The following WWC2 variants were observed in gnomAD, a reference collection of about 807,000 sequenced individuals.
WWC2 encodes WW and C2 domain containing 2.
A neutral mutation model predicts 138.5 loss-of-function variants in WWC2; 101 were observed. The observed-to-expected ratio is 0.73, with a 90% CI of 0.62 to 0.86. The LOEUF (loss-of-function observed/expected upper bound fraction) is 0.86. WWC2 is among the 40% of genes least tolerant of loss of function. The pLI is 0.00. For missense variants in WWC2, 1,420 were observed against 1,419.4 expected (o/e 1.00, Z -0.01); for synonymous variants, 558 against 538.4 (o/e 1.04, Z -0.50).
chr4:183,111,495 T>C (rs192243030), intron 1 of WWC2, among the ~76,000 whole-genome samples: 58 of 152,222 alleles, frequency 3.8e-4, no homozygotes, highest in Non-Finnish European at 4.3e-4. Flanking sequence ...CCAGTCTTTT[T>C]TTTTCTTTGA....
intron 21 of WWC2, among the ~76,000 whole-genome samples, chr4:183,292,550 A>T (rs533619391): frequency 2.0e-5 from 3 of 152,238 alleles, no homozygotes; most frequent in African/African-American, 7.2e-5. Flanking sequence ...GTCTAGGAAA[A>T]TCTACTAGAA....
chr4:183,198,459 C>T (rs376925640), intron 2 of WWC2, among the ~76,000 whole-genome samples: 83 of 152,062 alleles, frequency 5.5e-4, no homozygotes, highest in African/African-American at 1.9e-3. Flanking sequence ...GGTCTTAAAT[C>T]TGACCTCAAG....
chr4:183,114,326 A>G (rs1213560368), intron 1 of WWC2, among the ~76,000 whole-genome samples: 1 of 152,208 alleles, frequency 6.6e-6, no homozygotes, highest in Non-Finnish European at 1.5e-5. Context: ...TGTAGCCTGC[A>G]GAAGTCATAG....
At chr4:183,221,938 G>A (rs1349946403) in intron 4 of WWC2, among the ~76,000 whole-genome samples, 2 of 152,064 alleles carry the variant, frequency 1.3e-5, no homozygotes, top group African/African-American at 4.8e-5. Context: ...CCCATACAAC[G>A]AATTCAGTGT....
At chr4:183,236,675 A>G (rs1233830000) in intron 4 of WWC2, among the ~76,000 whole-genome samples, 1 of 152,170 alleles carries the variant, frequency 6.6e-6, no homozygotes, top group Non-Finnish European at 1.5e-5. Context: ...CTTAGGCCAT[A>G]TTTAGTTTGC....
intron 4 of WWC2, among the ~76,000 whole-genome samples, chr4:183,214,983 G>A (rs765278418): frequency 4.6e-5 from 7 of 152,252 alleles, no homozygotes; most frequent in Non-Finnish European, 8.8e-5. Context: ...TGTAGATAAG[G>A]TTATTCTTAG....
chr4:183,174,928 A>C (rs1262786113), intron 1 of WWC2, among the ~76,000 whole-genome samples: 3 of 152,086 alleles, frequency 2.0e-5, no homozygotes, highest in Non-Finnish European at 4.4e-5. Context: ...TTTGAAGGTA[A>C]GGTACAGATA....
Position 183,309,269 on chromosome 4 carries a change from G to A in WWC2, c.3385-3072G>A, listed in dbSNP as rs140828134. Among the ~76,000 whole-genome samples, 682 of 152,226 alleles carry A rather than the reference G, an allele frequency of 4.5e-3. 4 individuals are homozygous for A. Among genetic ancestry groups the A allele is most frequent in the Non-Finnish European group, 6.7e-3 (453 of 68,002 alleles). ...CTTCGTTATAATTTAAAACTTCTCT[G>A]TGAAAGACACTGTCAAGAAAAAGAG... On this transcript the variant is annotated intron_variant, in intron 21 of 22. Transcript: ENST00000403733.
At position 183,276,122 on chromosome 4, in the gene WWC2, A is replaced by G. The variant is rs560456596; in HGVS notation, c.2563-4654A>G. On this transcript the variant is annotated intron_variant, in intron 16 of 22. Transcript: ENST00000403733. ...TTTAAAATCTACTTTGTCTGGTGTT[A>G]GTAAAGCTACATATCAGCCTTTTTG... 1.4e-4 allele frequency among the ~76,000 whole-genome samples: 21 copies of G among 152,192 alleles called. No individual in the cohort carries two copies. In the South Asian group the frequency reaches 2.3e-3, roughly 16 times the overall value.
At chr4:183,161,169 T>G (rs573985459) in intron 1 of WWC2, among the ~76,000 whole-genome samples, 3 of 152,336 alleles carry the variant, frequency 2.0e-5, no homozygotes, top group East Asian at 3.9e-4. Context: ...AAAATAATTT[T>G]AACTTTTAGA....
At chr4:183,099,680 G>T (rs1743099289) in intron 1 of WWC2, 58 bp downstream of exon 1, 6 of 1,185,758 alleles carry the variant, frequency 5.1e-6, no homozygotes, top group Non-Finnish European at 6.3e-6. Flanking sequence ...TTGTCCCGGA[G>T]ACCCGGCCGC....
chr4:183,279,781 T>C (rs1328147730), intron 16 of WWC2, among the ~76,000 whole-genome samples: 3 of 152,218 alleles, frequency 2.0e-5, no homozygotes. Context: ...TTTGTAGTAT[T>C]CTCTGAGCAT....
At chr4:183,154,681 G>C (rs886300796) in intron 1 of WWC2, among the ~76,000 whole-genome samples, 2 of 152,164 alleles carry the variant, frequency 1.3e-5, no homozygotes, top group Admixed American at 6.5e-5. Flanking sequence ...TTAAGATGAA[G>C]CTCACTCTTC....
At chr4:183,248,411 C>T (rs1414985590) in intron 6 of WWC2, among the ~76,000 whole-genome samples, 1 of 152,110 alleles carries the variant, frequency 6.6e-6, no homozygotes, top group African/African-American at 2.4e-5. Context: ...GAGATAACTT[C>T]TTAATGAAAT....
At chr4:183,100,245 C>G (rs1330676461) in intron 1 of WWC2, among the ~76,000 whole-genome samples, 1 of 152,262 alleles carries the variant, frequency 6.6e-6, no homozygotes, top group Non-Finnish European at 1.5e-5. Context: ...CACCTGAAAA[C>G]TTGAACCGAC....
At chr4:183,297,554 C>T (rs141348615) in intron 21 of WWC2, among the ~76,000 whole-genome samples, 102 of 152,058 alleles carry the variant, frequency 6.7e-4, no homozygotes, top group African/African-American at 2.2e-3. Context: ...GGACTACAGG[C>T]GCGCACCACC....
intron 1 of WWC2, among the ~76,000 whole-genome samples, chr4:183,118,932 T>G (rs923543192): frequency 1.5e-4 from 22 of 151,600 alleles, no homozygotes; most frequent in Admixed American, 1.3e-4. Flanking sequence ...TTTTTTTTTG[T>G]AATCCTGTCT....
intron 21 of WWC2, among the ~76,000 whole-genome samples, chr4:183,311,071 G>A (rs993714343): frequency 6.6e-6 from 1 of 152,130 alleles, no homozygotes. Flanking sequence ...ACCCCAGGTT[G>A]TATGACCTGA....
intron 1 of WWC2, among the ~76,000 whole-genome samples, chr4:183,179,656 T>TG (rs1407167077): frequency 6.6e-6 from 1 of 151,982 alleles, no homozygotes; most frequent in Non-Finnish European, 1.5e-5. Flanking sequence ...ACAGGTCATT[T>TG]GGGGGAGGAA....
Sources: allele counts gnomAD v4.1 joint callset (sites outside exome capture counted in the v4.1 genomes callset), GRCh38; gene constraint gnomAD v4.1.1; transcripts MANE v1.5; gene names NCBI Gene and HGNC (gene_info 2026-07-23, HGNC 2026-07-21).